Variants in EIF4A1 observed in about 807,000 individuals in gnomAD.
EIF4A1 encodes eukaryotic translation initiation factor 4A1.
A neutral mutation model predicts 53.5 loss-of-function variants in EIF4A1; 11 were observed. The observed-to-expected ratio is 0.21, with a 90% CI of 0.13 to 0.34. The LOEUF is 0.34. Ranked by LOEUF, EIF4A1 falls within the 10% of genes least tolerant of loss-of-function variation. EIF4A1 has a pLI of 1.00. For synonymous variants in EIF4A1, 237 were observed against 186.7 expected (o/e 1.27, Z -2.20); for missense variants, 213 against 530.8 (o/e 0.40, Z 5.88).
chr17:7,577,427 C>G lies in EIF4A1; in HGVS notation c.708C>G (p.Val236=), dbSNP rs1187137714. 4 of 1,614,018 alleles carry G rather than the reference C, an allele frequency of 2.5e-6. No homozygotes were observed. The highest frequency in any genetic ancestry group is 3.4e-6 in the Non-Finnish European group (4 of 1,180,012). Residue 236 remains valine (V), a synonymous_variant, in exon 7 of 11, where the codon GTC becomes GTG. Coordinates refer to ENST00000293831, the MANE Select transcript of EIF4A1 (RefSeq NM_001416.4). The surrounding 1 kb of genome is among the most constrained non-coding windows in gnomAD (Gnocchi z 4.7). The stretch of plus-strand genomic sequence containing the variant: ...TGAGGGACCCCATTCGGATTCTTGT[C>G]AAGAAGGAAGAGTTGACCCTGGAGG... ...KFMRDPIRIL[V]KKEELTLEGI... is the part of the protein sequence containing the mutation.
intron 2 of EIF4A1, 94 bp downstream of exon 2, chr17:7,574,402 T>G: frequency 1.2e-6 from 2 of 1,606,458 alleles, no homozygotes; most frequent in South Asian, 2.2e-5. Context: ...CCAGATCATC[T>G]AGAAGCAGCT....
intron 1 of EIF4A1, 108 bp downstream of exon 1, chr17:7,572,972 A>C: frequency 7.0e-5 from 109 of 1,560,646 alleles, no homozygotes; most frequent in Middle Eastern, 1.7e-4. Flanking sequence ...GAGAAACCGA[A>C]CCGGGTGGGG....
chr17:7,574,951 C>T, intron 3 of EIF4A1, 168 bp from the exon 4 acceptor site: 1 of 1,087,360 alleles, frequency 9.2e-7, no homozygotes, highest in Admixed American at 1.8e-5. Context: ...ATAACTGGTC[C>T]TTGTTTCTGA....
At chr17:7,574,964 T>C in intron 3 of EIF4A1, 155 bp from the exon 4 acceptor site, 1 of 1,136,094 alleles carries the variant, frequency 8.8e-7, no homozygotes, top group Non-Finnish European at 1.3e-6. Context: ...GTTTCTGATC[T>C]GGTTCCCATT....
Position 7,577,493 on chromosome 17 carries a change from G to A in EIF4A1, c.768+6G>A, listed in dbSNP as rs762177448. The A allele has an allele frequency of 1.2e-6, 2 of 1,613,908 alleles. No homozygotes were observed. Among genetic ancestry groups the A allele is most frequent in the African/African-American group, 2.7e-5 (2 of 74,872 alleles). On this transcript the variant is annotated splice_donor_region_variant and intron_variant, in intron 7 of 10. Coordinates refer to ENST00000293831, the MANE Select transcript of EIF4A1 (RefSeq NM_001416.4). This position sits in a 1 kb window ranked among gnomAD's most constrained non-coding sequence, Gnocchi z 4.7. ...ACATCAACGTGGAACGAGAGGTGGG[G>A]CCCAGTGCAGGAGGCGGGCCTGGTA... is the stretch of plus-strand genomic sequence containing the variant.
In EIF4A1 at chr17:7,578,330, C is replaced by G. The variant is rs374444396; in HGVS notation, c.1077-12C>G. 3.5e-5 allele frequency: 57 copies of G among 1,612,806 alleles called. No individual in the cohort carries two copies. In the Middle Eastern group the frequency reaches 6.6e-4, roughly 19 times the overall value. ...GCTCCTGATATTCCTCATCCCCTTC[C>G]TTGTTTTCCAGAATCGGTCGAGGTG... On this transcript the variant is annotated splice_polypyrimidine_tract_variant and intron_variant, in intron 10 of 10. Transcript: ENST00000293831.
intron 1 of EIF4A1, chr17:7,573,331 G>T (rs2071350917): frequency 9.2e-6 from 2 of 216,436 alleles, no homozygotes; most frequent in East Asian, 2.8e-4. Context: ...CAGTCACTTC[G>T]TCGCGGCTAA....
At chr17:7,576,929 G>GATC in intron 5 of EIF4A1, 127 bp from the exon 6 acceptor site, 7 of 1,361,096 alleles carry the variant, frequency 5.1e-6, no homozygotes, top group Non-Finnish European at 7.4e-6. Flanking sequence ...CTGGGCAAAG[G>GATC]ATCAGTCTTT....
In EIF4A1 at chr17:7,574,637, C is replaced by T. The variant is rs762799240; in HGVS notation, c.164C>T (p.Pro55Leu). Residue 55 changes from proline (P) to leucine (L), a missense_variant, in exon 3 of 11, where the codon CCC becomes CTC. Physicochemically the swap from Pro to Leu is moderately conservative, Grantham distance 98. This residue lies in a region of EIF4A1 where 119 missense variants were observed against 351.0 expected (regional missense o/e 0.34). Transcript: ENST00000293831. ...RGIYAYGFEK[P>L]SAIQQRAILP... ...ATCTACGCGTATGGTTTTGAGAAGC[C>T]CTCTGCCATCCAGCAGCGAGCCATT... is the stretch of plus-strand genomic sequence containing the variant. 4 of 1,612,294 alleles carry T rather than the reference C, an allele frequency of 2.5e-6. No homozygotes were observed. Among genetic ancestry groups the T allele is most frequent in the Non-Finnish European group, 3.4e-6 (4 of 1,180,026 alleles).
Position 7,577,198 on chromosome 17 carries a change from T to A in EIF4A1, c.624+33T>A, listed in dbSNP as rs779945406. ...CAGTCTTGCTTGAATAGCTAATGAT[T>A]CTTGAAAAATAGTAAGTGCCAGGGG... On this transcript the variant is annotated intron_variant, in intron 6 of 10. Coordinates refer to ENST00000293831, the MANE Select transcript of EIF4A1 (RefSeq NM_001416.4). The surrounding 1 kb of genome is among the most constrained non-coding windows in gnomAD (Gnocchi z 4.7). The A allele has an allele frequency of 1.3e-6, 2 of 1,569,262 alleles. No individual in the cohort carries two copies. The highest frequency in any genetic ancestry group is 1.7e-6 in the Non-Finnish European group (2 of 1,161,870).
At chr17:7,573,977 C>T (rs932861072) in intron 1 of EIF4A1, 2 of 478,964 alleles carry the variant, frequency 4.2e-6, no homozygotes, top group African/African-American at 3.9e-5. Flanking sequence ...GCAAGCACCA[C>T]CTCTGGGCAC....
At chr17:7,574,088 C>A in intron 1 of EIF4A1, 172 bp from the exon 2 acceptor site, 1 of 716,948 alleles carries the variant, frequency 1.4e-6, no homozygotes, top group Non-Finnish European at 2.3e-6. Flanking sequence ...GGGGCAAATG[C>A]CTCAGTTTTA....
rs547149080 is a variant in EIF4A1 at position 7,575,549 on chromosome 17, G to A, written c.345+291G>A. 1.8e-5 allele frequency: 9 copies of A among 493,242 alleles called. No individual in the cohort carries two copies. In the East Asian group the frequency reaches 3.7e-4, roughly 20 times the overall value. 30.6% of individuals were successfully genotyped at this position (493,242 alleles called of 1,614,324 possible). A position where few individuals can be genotyped will look rare whatever the true frequency, so the allele number is the denominator to read the frequency against. ...TTCACTATGGGCTAAGAGATCCCTT[G>A]GTGTGGGGGTGATCTTACAGTAGTC... is the stretch of plus-strand genomic sequence containing the variant. On this transcript the variant is annotated intron_variant, in intron 4 of 10. Coordinates refer to ENST00000293831, the MANE Select transcript of EIF4A1 (RefSeq NM_001416.4).
At chr17:7,574,895 C>T (rs62059824) in intron 3 of EIF4A1, 100,989 of 1,031,242 alleles carry the variant, frequency 0.098, 5,789 homozygotes, top group East Asian at 0.12. Flanking sequence ...TTTGCATCTA[C>T]AGCCATGTTT....
At chr17:7,576,314 C>A (rs951525234) in intron 4 of EIF4A1, 3 of 515,182 alleles carry the variant, frequency 5.8e-6, no homozygotes, top group African/African-American at 2.0e-5. Flanking sequence ...CACTCAGGAA[C>A]CAGACTGAGT....
rs2071370032 is a variant in EIF4A1 at position 7,574,316 on chromosome 17, T to C, written c.72+8T>C. 8.7e-6 allele frequency: 14 copies of C among 1,614,176 alleles called. No individual in the cohort carries two copies. Among genetic ancestry groups the C allele is most frequent in the Non-Finnish European group, 1.1e-5 (13 of 1,180,040 alleles). ...CCCGAAGGCGTCATCGAGGTGAGAC[T>C]GGAGAAATGGAATTCTGTCCTCCCC... is the stretch of plus-strand genomic sequence containing the variant. On this transcript the variant is annotated splice_region_variant and intron_variant, in intron 2 of 10. Transcript: ENST00000293831.
intron 2 of EIF4A1, 35 bp downstream of exon 2, chr17:7,574,343 A>C: frequency 6.2e-7 from 1 of 1,614,078 alleles, no homozygotes; most frequent in Non-Finnish European, 8.5e-7. Flanking sequence ...GTCCTCCCCC[A>C]TTACAACTTT....
In EIF4A1 at chr17:7,577,265, C is replaced by T; in HGVS notation, c.625-79C>T. On this transcript the variant is annotated intron_variant, in intron 6 of 10. Coordinates refer to ENST00000293831, the MANE Select transcript of EIF4A1 (RefSeq NM_001416.4). This position sits in a 1 kb window ranked among gnomAD's most constrained non-coding sequence, Gnocchi z 4.7. ...CTTGAGCCTTTTTATGCATCTGCTT[C>T]AGTTTTAGGTGTGGCTAGGGAAGGG... 4 of 1,578,052 alleles carry T rather than the reference C, an allele frequency of 2.5e-6. No homozygotes were observed. Among genetic ancestry groups the T allele is most frequent in the Non-Finnish European group, 3.4e-6 (4 of 1,163,878 alleles).
Position 7,576,721 on chromosome 17 carries a change from G to A in EIF4A1, c.514+29G>A, listed in dbSNP as rs756216279. On this transcript the variant is annotated intron_variant, in intron 5 of 10. Transcript: ENST00000293831. The stretch of plus-strand genomic sequence containing the variant: ...AGTAATTCGGTTCTCCAATCCCCTG[G>A]GTCACTTTGCTCTTGTGCACGCTTT... 7 of 1,580,054 alleles carry A rather than the reference G, an allele frequency of 4.4e-6. No homozygotes were observed. The East Asian group carries it at 1.4e-4, about 31-fold the overall frequency.
Sources: allele counts gnomAD v4.1 joint callset, GRCh38; gene constraint gnomAD v4.1.1; regional missense constraint gnomAD v4.1.1; non-coding constraint Gnocchi (gnomAD v3.1); transcripts MANE v1.5; gene names NCBI Gene and HGNC (gene_info 2026-07-23, HGNC 2026-07-21).